Variants in RYR1 observed in about 807,000 individuals in gnomAD.
RYR1 encodes the protein central core disease of muscle.
A neutral mutation model predicts 583.5 loss-of-function variants in RYR1; 342 were observed. The observed-to-expected ratio is 0.59, with a 90% CI of 0.54 to 0.64. RYR1 has a LOEUF of 0.64. Among genes scored for constraint, RYR1 ranks in the 30% least tolerant of loss-of-function variants. The pLI, the probability that RYR1 is intolerant of heterozygous loss-of-function variation, is 0.00. For synonymous variants in RYR1, 2,791 were observed against 2,822.5 expected (o/e 0.99, Z 0.35); for missense variants, 6,032 against 6,917.2 (o/e 0.87, Z 4.54).
At chr19:38,555,820 T>C (rs1972855073) in intron 89 of RYR1, among the ~76,000 whole-genome samples, 1 of 152,182 alleles carries the variant, frequency 6.6e-6, no homozygotes, top group African/African-American at 2.4e-5. Flanking sequence ...TGCAGATCTT[T>C]ACTGTCCAAC....
chr19:38,537,712 G>C (rs539007888), intron 83 of RYR1, among the ~76,000 whole-genome samples, 168 bp from the exon 84 acceptor site: 1 of 152,176 alleles, frequency 6.6e-6, no homozygotes, highest in South Asian at 2.1e-4. Flanking sequence ...ACCGCCTGGC[G>C]TCATGGATGC....
intron 93 of RYR1, among the ~76,000 whole-genome samples, chr19:38,569,014 ATT>A (rs536234775): frequency 6.8e-6 from 1 of 146,228 alleles, no homozygotes; most frequent in African/African-American, 2.5e-5. Context: ...CTACAAAAGA[ATT>A]TTTTTTTTTT....
intron 93 of RYR1, among the ~76,000 whole-genome samples, chr19:38,570,200 G>C (rs935714950): frequency 6.6e-6 from 1 of 152,032 alleles, no homozygotes; most frequent in African/African-American, 2.4e-5. Context: ...GCTCAAGCCT[G>C]TAATCCCAGC....
chr19:38,556,320 A>G (rs1292039234), intron 89 of RYR1, among the ~76,000 whole-genome samples: 1 of 151,776 alleles, frequency 6.6e-6, no homozygotes, highest in Non-Finnish European at 1.5e-5. Flanking sequence ...TATCTCTATA[A>G]AAACTTTAAA....
chr19:38,486,242 C>G (rs1183059924), intron 34 of RYR1, 40 bp downstream of exon 34: 1 of 1,612,208 alleles, frequency 6.2e-7, no homozygotes, highest in African/African-American at 1.3e-5. Flanking sequence ...CCATTCTTCT[C>G]CCACATTCCC....
chr19:38,572,262 T>C lies in RYR1; in HGVS notation c.13990T>C (p.Cys4664Arg), dbSNP rs759500310. Residue 4664 changes from cysteine to arginine, a missense_variant, in exon 95 of 106, where the codon TGT (cysteine) becomes CGT (arginine). Physicochemically the swap from Cys to Arg is radical, Grantham distance 180. Coordinates refer to ENST00000359596, the MANE Select transcript of RYR1 (RefSeq NM_000540.3). The part of the protein sequence containing the change: ...VAFLCIIGYN[C>R]LKVPLVIFKR... ...CTTTCTCTGCATCATTGGCTATAATTGTCTCAAGGTGGGCCCATGGCCATG... is the reference window on the plus strand; with the variant it reads ...CTTTCTCTGCATCATTGGCTATAATCGTCTCAAGGTGGGCCCATGGCCATG... 4.4e-6 allele frequency: 7 copies of C among 1,595,136 alleles called. No individual in the cohort carries two copies. The highest frequency in any genetic ancestry group is 3.4e-6 in the Non-Finnish European group (4 of 1,169,844).
In RYR1 at chr19:38,504,094, T is replaced by C; in HGVS notation, c.7927-126T>C. The C allele has an allele frequency of 1.8e-5, 19 of 1,051,378 alleles. No homozygotes were observed. In the South Asian group the frequency reaches 2.3e-4, roughly 13 times the overall value. 65.1% of individuals were successfully genotyped at this position (1,051,378 alleles called of 1,614,324 possible). On this transcript the variant is annotated intron_variant, in intron 49 of 105. Coordinates refer to ENST00000359596, the MANE Select transcript of RYR1 (RefSeq NM_000540.3). ...ATTTCTTCCCTTATTAGCATATCAT[T>C]TGCATAACCCACACCTCCTTCATAA...
Position 38,492,562 on chromosome 19 carries a change from T to A in RYR1, c.6200T>A (p.Leu2067Ter). ...CTGGGCAGCCGCCTCATGAGCCTGT[T>A]GGAGAAAGTGCGGCTGGTGAAGAAG... ...TTLGSRLMSL[L>*]EKVRLVKKKE... Residue 2067 changes from leucine to a stop codon, truncating the protein, a stop_gained, in exon 38 of 106, where the codon TTG becomes TAG. Transcript: ENST00000359596. LOFTEE classifies it high-confidence loss of function. 1 of 1,612,806 alleles carries A rather than the reference T, an allele frequency of 6.2e-7. No individual in the cohort carries two copies. The highest frequency in any genetic ancestry group is 8.5e-7 in the Non-Finnish European group (1 of 1,179,380).
Position 38,496,759 on chromosome 19 carries a change from G to A in RYR1, c.6797-101G>A. The A allele has an allele frequency of 8.1e-7, 1 of 1,231,826 alleles. No homozygotes were observed. Among genetic ancestry groups the A allele is most frequent in the African/African-American group, 1.5e-5 (1 of 67,554 alleles). The allele number at this position is 1,231,826 out of a possible 1,614,324, so 76.3% of individuals were successfully genotyped here. A position where few individuals can be genotyped will look rare whatever the true frequency, so the allele number is the denominator to read the frequency against. ...GATGAGGGAAGTACAGACCAGAGGA[G>A]GCACCTGATCCAGGCTGGAAAAAGG... On this transcript the variant is annotated intron_variant, in intron 41 of 105. Transcript: ENST00000359596. The surrounding 1 kb of genome is among the most constrained non-coding windows in gnomAD (Gnocchi z 4.8).
intron 25 of RYR1, among the ~76,000 whole-genome samples, chr19:38,468,240 A>T (rs898433688): frequency 7.9e-5 from 12 of 151,144 alleles, no homozygotes; most frequent in Admixed American, 4.6e-4. Context: ...TCCATCCATC[A>T]TCTATCCATC....
intron 66 of RYR1, 129 bp from the exon 67 acceptor site, chr19:38,519,085 T>G: frequency 6.8e-7 from 1 of 1,470,302 alleles, no homozygotes; most frequent in Non-Finnish European, 9.4e-7. Context: ...ATATCCAAGG[T>G]TAGGGTCAGG....
At chr19:38,558,446 T>C (rs1972973457) in intron 89 of RYR1, among the ~76,000 whole-genome samples, 1 of 152,174 alleles carries the variant, frequency 6.6e-6, no homozygotes, top group Non-Finnish European at 1.5e-5. Context: ...ATCAAAATAG[T>C]TCATCTACCC....
At position 38,586,540 on chromosome 19, in the gene RYR1, T is replaced by C. The variant is rs1395398890; in HGVS notation, c.14985T>C (p.Tyr4995=). The change falls in exon 105 of 106, where the codon TAT becomes TAC. Residue 4995 remains tyrosine, a synonymous_variant. Coordinates refer to ENST00000359596, the MANE Select transcript of RYR1 (RefSeq NM_000540.3). ...NLANYMFFLM[Y]LINKDETEHT... ...TCACCCTCAGGTTTTTCCTGATGTA[T>C]TTGATAAACAAGGATGAGACAGAAC... 6.2e-7 allele frequency: 1 copy of C among 1,614,170 alleles called. No homozygotes were observed. The highest frequency in any genetic ancestry group is 8.5e-7 in the Non-Finnish European group (1 of 1,179,986).
chr19:38,434,023 CT>C, intron 1 of RYR1, 149 bp downstream of exon 1: 1 of 784,590 alleles, frequency 1.3e-6, no homozygotes, highest in African/African-American at 1.7e-5. Flanking sequence ...GTCACTCTGT[CT>C]TTTAGTCTCC....
chr19:38,470,295 G>T (rs1025250460), intron 27 of RYR1, among the ~76,000 whole-genome samples: 1 of 151,078 alleles, frequency 6.6e-6, no homozygotes, highest in Admixed American at 6.6e-5. Context: ...AAACTTAGCT[G>T]GGTGCTGTGG....
intron 27 of RYR1, 32 bp from the exon 28 acceptor site, chr19:38,473,345 C>T: frequency 6.2e-7 from 1 of 1,613,312 alleles, no homozygotes; most frequent in Admixed American, 1.7e-5. Context: ...GCCCGCCTGC[C>T]CAGCCCAGTA....
chr19:38,499,476 G>A lies in RYR1; in HGVS notation c.7028-159G>A, dbSNP rs796489024. ...CTGGTGTTACCCCTAGAGGTGTTGG[G>A]TCCTGGGGCTGGCAGGGGCCTGGTG... On this transcript the variant is annotated intron_variant, in intron 43 of 105. Coordinates refer to ENST00000359596, the MANE Select transcript of RYR1 (RefSeq NM_000540.3). This position sits in a 1 kb window ranked among gnomAD's most constrained non-coding sequence, Gnocchi z 7.3. Among the ~76,000 whole-genome samples, 1 of 122,260 alleles carries A rather than the reference G, an allele frequency of 8.2e-6. No homozygotes were observed. The highest frequency in any genetic ancestry group is 3.4e-4 in the South Asian group (1 of 2,920). The allele number at this position is 122,260 out of a possible 152,430, so 80.2% of individuals were successfully genotyped here.
intron 29 of RYR1, 111 bp from the exon 30 acceptor site, chr19:38,477,599 C>T (rs1262835444): frequency 7.3e-7 from 1 of 1,364,428 alleles, no homozygotes; most frequent in South Asian, 1.2e-5. Flanking sequence ...CAACAACTTC[C>T]TGTTAAACTC....
At chr19:38,457,026 A>G (rs932395493) in intron 16 of RYR1, among the ~76,000 whole-genome samples, 1 of 129,452 alleles carries the variant, frequency 7.7e-6, no homozygotes, top group Non-Finnish European at 1.6e-5. Context: ...AGCCTGGGCG[A>G]CAGAGCCAGA....
Sources: gnomAD v4.1 joint callset for allele counts (sites outside exome capture counted in the v4.1 genomes callset) on GRCh38, gnomAD v4.1.1 for gene constraint, Gnocchi (gnomAD v3.1) non-coding constraint, MANE v1.5 for transcripts, NCBI Gene and HGNC (gene_info 2026-07-23, HGNC 2026-07-21) for gene names.